The following EDA variants were observed in gnomAD, a reference collection of about 807,000 sequenced individuals.
EDA encodes ectodysplasin-A.
EDA carries 2 observed loss-of-function variants against 23.6 expected under a neutral mutation model. The observed-to-expected ratio is 0.08, with a 90% confidence interval of 0.03 to 0.27. The LOEUF (loss-of-function observed/expected upper bound fraction) is 0.27, where lower values mean the gene tolerates loss of function less well. EDA is among the 10% of genes least tolerant of loss of function. The pLI is 1.00. For missense variants in EDA, 229 were observed against 324.2 expected, an observed-to-expected ratio of 0.71 and a Z score of 2.26; for synonymous variants, 131 against 132.0, an observed-to-expected ratio of 0.99 and a Z score of 0.05.
chrX:69,856,082 A>T lies in EDA; in HGVS notation c.397-100945A>T, dbSNP rs756120559. Among the ~76,000 whole-genome samples the T allele has an allele frequency of 2.7e-5, 3 of 110,379 alleles. No individual in the cohort carries two copies. In the South Asian group the frequency reaches 1.2e-3, roughly 43 times the overall value. Reference sequence around the variant, plus strand: ...CCCTCAAGTCCCCAAAGTCCATTGTATCATTCATGTCTTTGCATCCTCATA... The same window carrying T: ...CCCTCAAGTCCCCAAAGTCCATTGTTTCATTCATGTCTTTGCATCCTCATA... On this transcript the variant is annotated intron_variant, in intron 1 of 7. Coordinates refer to ENST00000374552, the MANE Select transcript of EDA (RefSeq NM_001399.5).
intron 1 of EDA, among the ~76,000 whole-genome samples, chrX:69,679,576 CA>C (rs1249232718): frequency 2.7e-5 from 3 of 111,581 alleles, no homozygotes; most frequent in Non-Finnish European, 5.6e-5. Flanking sequence ...GGAATTTATC[CA>C]TTTCTTCTAG....
chrX:69,885,474 G>A (rs2017813234), intron 1 of EDA, among the ~76,000 whole-genome samples: 1 of 112,023 alleles, frequency 8.9e-6, no homozygotes, highest in African/African-American at 3.2e-5. Context: ...ATTTTACTTA[G>A]CATAATGTCT....
chrX:69,632,777 T>C (rs1932650579), intron 1 of EDA, among the ~76,000 whole-genome samples: 1 of 112,201 alleles, frequency 8.9e-6, no homozygotes, highest in African/African-American at 3.2e-5. Context: ...CCTGTCTCCA[T>C]AGAGGAAATG....
Position 69,624,620 on chromosome X carries a change from G to A in EDA, c.396+7916G>A, listed in dbSNP as rs189522847. On this transcript the variant is annotated intron_variant, in intron 1 of 7. Transcript: ENST00000374552. ...CAATATGAGACTGAGATAATTTAAAGCTGCCCTTCAATCCAAGTGAAGGTT... is the reference window on the plus strand; with the variant it reads ...CAATATGAGACTGAGATAATTTAAAACTGCCCTTCAATCCAAGTGAAGGTT... Among the ~76,000 whole-genome samples, 232 of 111,305 alleles carry A rather than the reference G, an allele frequency of 2.1e-3. 1 individual carries two copies. Among genetic ancestry groups the A allele is most frequent in the African/African-American group, 3.3e-3 (101 of 30,699 alleles).
chrX:69,850,006 T>A (rs190498036), intron 1 of EDA, among the ~76,000 whole-genome samples: 1 of 112,066 alleles, frequency 8.9e-6, no homozygotes, highest in Non-Finnish European at 1.9e-5. Flanking sequence ...ATATTCATAA[T>A]TTGCAGTACA....
At chrX:69,957,339 A>G in intron 2 of EDA, 1 of 389,772 alleles carries the variant, frequency 2.6e-6, no homozygotes, top group Non-Finnish European at 4.6e-6. Context: ...TAAAAATACA[A>G]AAAAAATTAG....
intron 1 of EDA, among the ~76,000 whole-genome samples, chrX:69,712,652 GT>G (rs1486131854): frequency 3.6e-5 from 4 of 111,406 alleles, no homozygotes; most frequent in Non-Finnish European, 7.5e-5. Flanking sequence ...AGTCAGTGTG[GT>G]GATTCCTCAG....
At chrX:69,881,295 A>C (rs935744438) in intron 1 of EDA, among the ~76,000 whole-genome samples, 1 of 109,887 alleles carries the variant, frequency 9.1e-6, no homozygotes, top group African/African-American at 3.3e-5. Flanking sequence ...ACCACCCCCC[A>C]AAAAAAACCT....
Position 69,918,992 on chromosome X carries a change from A to C in EDA, c.397-38035A>C, listed in dbSNP as rs980141209. ...ATTGTATTTTTTAATCCCCATTACAAAAAAAAAAAACTCTTGGGTGCATTT... is the reference window on the plus strand; with the variant it reads ...ATTGTATTTTTTAATCCCCATTACACAAAAAAAAAACTCTTGGGTGCATTT... On this transcript the variant is annotated intron_variant, in intron 1 of 7. Coordinates refer to ENST00000374552, the MANE Select transcript of EDA (RefSeq NM_001399.5). 2.9e-4 allele frequency among the ~76,000 whole-genome samples: 32 copies of C among 108,712 alleles called. 1 individual carries two copies. The highest frequency in any genetic ancestry group is 6.1e-4 in the Non-Finnish European group (32 of 52,056). 94.4% of individuals were successfully genotyped at this position (108,712 alleles called of 115,157 possible).
rs180732960 is a variant in EDA, at chrX:69,838,346, G to T, written c.397-118681G>T. Among the ~76,000 whole-genome samples, 16 of 113,248 alleles carry T rather than the reference G, an allele frequency of 1.4e-4. No homozygotes were observed. The East Asian group carries it at 4.5e-3, about 32-fold the overall frequency. ...TAGGATTTCAAGAAATAAACATCTG[G>T]GCTGGGCGTGGTGGCTCACGCCTGT... is the stretch of plus-strand genomic sequence containing the variant. On this transcript the variant is annotated intron_variant, in intron 1 of 7. Coordinates refer to ENST00000374552, the MANE Select transcript of EDA (RefSeq NM_001399.5).
chrX:70,019,117 G>T (rs891126235), intron 2 of EDA, among the ~76,000 whole-genome samples: 2 of 111,918 alleles, frequency 1.8e-5, no homozygotes, highest in Non-Finnish European at 3.8e-5. Flanking sequence ...GATCATTAGA[G>T]AAATATAAAT....
chrX:69,859,144 A>G (rs960025807), intron 1 of EDA, among the ~76,000 whole-genome samples: 8 of 110,215 alleles, frequency 7.3e-5, no homozygotes, highest in Non-Finnish European at 1.5e-4. Context: ...TAGTTTAGCT[A>G]GTGGTATGTC....
intron 2 of EDA, among the ~76,000 whole-genome samples, chrX:69,987,423 TA>T (rs1485028906): frequency 9.2e-6 from 1 of 109,092 alleles, no homozygotes; most frequent in Non-Finnish European, 1.9e-5. Context: ...ACCCTGGGTA[TA>T]ACACAACAAA....
At chrX:69,660,125 T>A (rs191223989) in intron 1 of EDA, among the ~76,000 whole-genome samples, 2 of 111,282 alleles carry the variant, frequency 1.8e-5, no homozygotes, top group African/African-American at 6.5e-5. Context: ...GTAAAGGCTG[T>A]CTTGAAGTTT....
At chrX:69,975,868 C>T (rs2019310858) in intron 2 of EDA, among the ~76,000 whole-genome samples, 1 of 111,127 alleles carries the variant, frequency 9.0e-6, no homozygotes, top group African/African-American at 3.3e-5. Flanking sequence ...ATTCTTTTTA[C>T]TTTTTTAATA....
At chrX:69,893,995 G>A (rs1389697334) in intron 1 of EDA, among the ~76,000 whole-genome samples, 2 of 111,968 alleles carry the variant, frequency 1.8e-5, no homozygotes, top group African/African-American at 6.5e-5. Flanking sequence ...CCACTTTGAG[G>A]TACTATTGTC....
intron 1 of EDA, among the ~76,000 whole-genome samples, chrX:69,888,418 A>G (rs2017861372): frequency 9.1e-6 from 1 of 110,058 alleles, no homozygotes; most frequent in Admixed American, 9.8e-5. Context: ...AACAAGTAAT[A>G]AAATGACAGT....
intron 2 of EDA, among the ~76,000 whole-genome samples, chrX:70,004,230 C>T (rs1193992964): frequency 9.0e-6 from 1 of 111,712 alleles, no homozygotes; most frequent in Non-Finnish European, 1.9e-5. Flanking sequence ...AGTTTCACAG[C>T]TGATCATAAC....
intron 1 of EDA, among the ~76,000 whole-genome samples, chrX:69,913,486 G>A (rs2018298014): frequency 8.9e-6 from 1 of 112,377 alleles, no homozygotes; most frequent in Non-Finnish European, 1.9e-5. Flanking sequence ...CCTTCACAGA[G>A]TTGAAGAGAG....
Sources: gnomAD v4.1 joint callset for allele counts (sites outside exome capture counted in the v4.1 genomes callset) on GRCh38, gnomAD v4.1.1 for gene constraint, MANE v1.5 for transcripts, NCBI Gene and HGNC (gene_info 2026-07-23, HGNC 2026-07-21) for gene names.